The following RALYL variants were observed in gnomAD, a reference collection of about 807,000 sequenced individuals.
RALYL encodes the protein RALY RNA binding protein like.
RALYL carries 29 observed loss-of-function variants against 35.1 expected under a neutral mutation model. The ratio of observed to expected loss-of-function variants is 0.83; its 90% CI spans 0.61 to 1.13. RALYL has a LOEUF of 1.13. RALYL is among the 50% of genes most tolerant of loss of function. The pLI is 0.00. For synonymous variants in RALYL, 120 were observed against 127.6 expected (o/e 0.94, Z 0.40); for missense variants, 359 against 360.4 (o/e 1.00, Z 0.03).
intron 2 of RALYL, among the ~76,000 whole-genome samples, chr8:84,631,876 G>T (rs1823982860): frequency 6.6e-6 from 1 of 151,866 alleles, no homozygotes; most frequent in South Asian, 2.1e-4. Context: ...TAAAGGTGAA[G>T]ACATTTTATT....
At chr8:84,286,649 G>A (rs1301086946) in intron 1 of RALYL, among the ~76,000 whole-genome samples, 2 of 152,166 alleles carry the variant, frequency 1.3e-5, no homozygotes, top group Non-Finnish European at 2.9e-5. Context: ...TCAATACATG[G>A]AGACTATATA....
At chr8:84,830,770 T>G in intron 4 of RALYL, among the ~76,000 whole-genome samples, 1 of 152,140 alleles carries the variant, frequency 6.6e-6, no homozygotes, top group East Asian at 1.9e-4. Context: ...GGACTCACTT[T>G]TGAGTATAAG....
At chr8:84,508,591 A>C (rs2057361276) in intron 1 of RALYL, among the ~76,000 whole-genome samples, 1 of 152,112 alleles carries the variant, frequency 6.6e-6, no homozygotes, top group Admixed American at 6.6e-5. Context: ...TGTGGCATAT[A>C]TGCTGATTAT....
At chr8:84,573,651 C>G (rs1252211) in intron 2 of RALYL, among the ~76,000 whole-genome samples, 1 of 151,606 alleles carries the variant, frequency 6.6e-6, no homozygotes, top group East Asian at 1.9e-4. Flanking sequence ...CTCCAATCCA[C>G]GTATGTTTAA....
chr8:84,273,345 A>G (rs1386514366), intron 1 of RALYL, among the ~76,000 whole-genome samples: 4 of 152,260 alleles, frequency 2.6e-5, no homozygotes, highest in Non-Finnish European at 2.9e-5. Context: ...GGTACTCGCC[A>G]CATGGGCCTC....
intron 4 of RALYL, among the ~76,000 whole-genome samples, chr8:84,808,382 T>C (rs1387649994): frequency 6.6e-6 from 1 of 152,222 alleles, no homozygotes; most frequent in South Asian, 2.1e-4. Flanking sequence ...TTTATACCAG[T>C]ACCACACCGT....
At chr8:84,590,963 A>T (rs1355680978) in intron 2 of RALYL, among the ~76,000 whole-genome samples, 2 of 151,898 alleles carry the variant, frequency 1.3e-5, no homozygotes, top group African/African-American at 4.8e-5. Context: ...TAGTTCCTTT[A>T]TAGATGTTTT....
intron 4 of RALYL, among the ~76,000 whole-genome samples, chr8:84,840,850 T>A (rs1833118694): frequency 6.6e-6 from 1 of 152,202 alleles, no homozygotes; most frequent in Admixed American, 6.5e-5. Flanking sequence ...ACTCAGAATT[T>A]CATATCCAGC....
At position 84,351,650 on chromosome 8, in the gene RALYL, A is replaced by G. The variant is rs374046023; in HGVS notation, c.-24+167226A>G. ...CGATTTTTTTTCTCTTGGCAGCTTC[A>G]TTTTATTTGTCCTTGTTAGGTCTCT... On this transcript the variant is annotated intron_variant, in intron 1 of 8. Transcript: ENST00000521268. 1.1e-3 allele frequency among the ~76,000 whole-genome samples: 163 copies of G among 147,138 alleles called. 6 individuals are homozygous for G. In the South Asian group the frequency reaches 0.033, roughly 30 times the overall value.
intron 2 of RALYL, among the ~76,000 whole-genome samples, chr8:84,746,020 T>G (rs1808523852): frequency 6.6e-6 from 1 of 152,062 alleles, no homozygotes; most frequent in Non-Finnish European, 1.5e-5. Flanking sequence ...GAGGAAATTC[T>G]TTCATCTCTC....
At chr8:84,423,279 A>G (rs1189098106) in intron 1 of RALYL, among the ~76,000 whole-genome samples, 1 of 151,380 alleles carries the variant, frequency 6.6e-6, no homozygotes, top group Non-Finnish European at 1.5e-5. Context: ...CTTCTTGTTG[A>G]ATTGATCCCT....
chr8:84,607,637 G>A (rs866613054), intron 2 of RALYL, among the ~76,000 whole-genome samples: 1 of 152,110 alleles, frequency 6.6e-6, no homozygotes, highest in South Asian at 2.1e-4. Flanking sequence ...GGTCCACTTG[G>A]GCATCTGGAT....
intron 1 of RALYL, among the ~76,000 whole-genome samples, chr8:84,522,883 G>C (rs2058572646): frequency 6.6e-6 from 1 of 152,076 alleles, no homozygotes; most frequent in African/African-American, 2.4e-5. Flanking sequence ...TTCTCATGCT[G>C]CTAATAAAGA....
At chr8:84,748,656 A>G (rs116069693) in intron 2 of RALYL, among the ~76,000 whole-genome samples, 2,722 of 152,190 alleles carry the variant, frequency 0.018, 83 homozygotes, top group African/African-American at 0.062. Context: ...AAATAGATTT[A>G]CTTTGTATCT....
intron 2 of RALYL, among the ~76,000 whole-genome samples, chr8:84,772,155 C>T (rs915559101): frequency 6.6e-6 from 1 of 151,936 alleles, no homozygotes; most frequent in African/African-American, 2.4e-5. Flanking sequence ...TTATATATGT[C>T]AATTGTATGC....
At chr8:84,879,702 T>C (rs909457027) in intron 7 of RALYL, among the ~76,000 whole-genome samples, 1 of 152,116 alleles carries the variant, frequency 6.6e-6, no homozygotes, top group Non-Finnish European at 1.5e-5. Flanking sequence ...CTGTTTTCCA[T>C]AGCAAGCTTG....
At chr8:84,584,324 G>T (rs1220991724) in intron 2 of RALYL, among the ~76,000 whole-genome samples, 1 of 152,064 alleles carries the variant, frequency 6.6e-6, no homozygotes, top group Admixed American at 6.6e-5. Flanking sequence ...GATATTTAAG[G>T]CCAGGCGTGG....
chr8:84,701,962 G>A (rs1006967438), intron 2 of RALYL, among the ~76,000 whole-genome samples: 1 of 143,292 alleles, frequency 7.0e-6, no homozygotes, highest in South Asian at 2.2e-4. Flanking sequence ...TTTTAATCAG[G>A]ACACTATGTC....
At chr8:84,563,668 CCTT>C (rs2061601503) in intron 2 of RALYL, among the ~76,000 whole-genome samples, 1 of 151,540 alleles carries the variant, frequency 6.6e-6, no homozygotes, top group African/African-American at 2.4e-5. Flanking sequence ...TAGAAATAAA[CCTT>C]CTTTTCCTTA....
Sources: allele counts gnomAD v4.1 joint callset (sites outside exome capture counted in the v4.1 genomes callset), GRCh38; gene constraint gnomAD v4.1.1; transcripts MANE v1.5; gene names NCBI Gene and HGNC (gene_info 2026-07-23, HGNC 2026-07-21).